Variants in PLCXD2 observed in about 807,000 individuals in gnomAD.
PLCXD2 encodes PI-PLC X domain-containing protein 2.
PLCXD2 carries 21 observed loss-of-function variants against 28.6 expected under a neutral mutation model. That is an observed-to-expected ratio of 0.73 (90% confidence interval 0.52 to 1.06). The LOEUF (loss-of-function observed/expected upper bound fraction) is 1.06, where lower values mean the gene tolerates loss of function less well. Among genes scored for constraint, PLCXD2 ranks in the 50% least tolerant of loss-of-function variants. The pLI is 0.00. For missense variants in PLCXD2, 369 were observed against 376.7 expected, an observed-to-expected ratio of 0.98 and a Z score of 0.17; for synonymous variants, 140 against 150.1, an observed-to-expected ratio of 0.93 and a Z score of 0.49.
chr3:111,716,131 C>A (rs574357681), intron 3 of PLCXD2, among the ~76,000 whole-genome samples: 1 of 152,172 alleles, frequency 6.6e-6, no homozygotes, highest in African/African-American at 2.4e-5. Context: ...GCCCCCCTGC[C>A]GGCCATAAGA....
chr3:111,716,506 G>A (rs1941269603), intron 3 of PLCXD2, among the ~76,000 whole-genome samples: 1 of 152,198 alleles, frequency 6.6e-6, no homozygotes, highest in Non-Finnish European at 1.5e-5. Context: ...ATAGCCATTT[G>A]ACTCAATTTC....
At chr3:111,686,960 G>C (rs1303008502) in intron 1 of PLCXD2, among the ~76,000 whole-genome samples, 1 of 152,168 alleles carries the variant, frequency 6.6e-6, no homozygotes, top group Admixed American at 6.5e-5. Context: ...GGTGCAAGGG[G>C]TGAAAAGGAG....
At chr3:111,712,140 C>T (rs1236284013) in intron 2 of PLCXD2, among the ~76,000 whole-genome samples, 1 of 152,146 alleles carries the variant, frequency 6.6e-6, no homozygotes, top group African/African-American at 2.4e-5. Context: ...AGGCCGGCCT[C>T]CCCCTGTAAA....
At chr3:111,702,292 A>G (rs954625098) in intron 1 of PLCXD2, among the ~76,000 whole-genome samples, 1 of 152,184 alleles carries the variant, frequency 6.6e-6, no homozygotes, top group African/African-American at 2.4e-5. Context: ...GCAAACCCAC[A>G]TAGAAACCAA....
At position 111,691,310 on chromosome 3, in the gene PLCXD2, TAAGA is replaced by T. The variant is rs1401634618; in HGVS notation, c.163+15903_163+15906del. 4.6e-5 allele frequency: 7 copies of T among 152,350 alleles called. 1 individual carries two copies. Among genetic ancestry groups the T allele is most frequent in the African/African-American group, 1.7e-4 (7 of 41,576 alleles). 9.4% of individuals were successfully genotyped at this position (152,350 alleles called of 1,614,324 possible). On this transcript the variant is annotated intron_variant, in intron 1 of 4. Coordinates refer to ENST00000477665, the MANE Select transcript of PLCXD2 (RefSeq NM_001185106.1). The stretch of plus-strand genomic sequence containing the variant: ...TTAATAAGTGGAATTATCCAATTCT[TAAGA>T]TAGAAGAGACCCTAAGTCGCATTTC...
chr3:111,709,938 G>A (rs923795233), intron 2 of PLCXD2, among the ~76,000 whole-genome samples: 2 of 152,170 alleles, frequency 1.3e-5, no homozygotes, highest in East Asian at 3.9e-4. Flanking sequence ...AGAGACCAGG[G>A]CAGGGGGATT....
chr3:111,724,090 C>T (rs1282306829), intron 3 of PLCXD2: 1 of 152,062 alleles, frequency 6.6e-6, no homozygotes, highest in African/African-American at 2.4e-5. Context: ...CAGGCTTGAA[C>T]TTTGAGCCTT....
rs1028985211 is a variant in PLCXD2 at position 111,674,857 on chromosome 3, G to A, written c.-389G>A. 5.8e-6 allele frequency: 1 copy of A among 173,522 alleles called. No homozygotes were observed. Among genetic ancestry groups the A allele is most frequent in the Non-Finnish European group, 1.2e-5 (1 of 82,736 alleles). The allele number at this position is 173,522 out of a possible 1,614,324, so 10.7% of individuals were successfully genotyped here. A position where few individuals can be genotyped will look rare whatever the true frequency, so the allele number is the denominator to read the frequency against. ...AGCCGGCGCGCCCGGGCGCGCACCT[G>A]TGTATGGACCCGCAGGCATGTCTGT... On this transcript the variant is annotated 5_prime_UTR_variant, in exon 1 of 5. The change creates a new upstream start codon in the 5' untranslated region. Coordinates refer to ENST00000477665, the MANE Select transcript of PLCXD2 (RefSeq NM_001185106.1).
intron 3 of PLCXD2, chr3:111,723,967 A>T (rs973039242): frequency 1.3e-5 from 2 of 152,192 alleles, no homozygotes; most frequent in African/African-American, 2.4e-5. Flanking sequence ...TTATTCTGAA[A>T]TACAACTGAG....
chr3:111,706,242 GT>G (rs1231490114), intron 1 of PLCXD2, among the ~76,000 whole-genome samples: 1 of 152,148 alleles, frequency 6.6e-6, no homozygotes, highest in Non-Finnish European at 1.5e-5. Flanking sequence ...CTATTGAGTT[GT>G]TTGAATTCCT....
At chr3:111,699,605 A>G (rs934680650) in intron 1 of PLCXD2, among the ~76,000 whole-genome samples, 1 of 152,116 alleles carries the variant, frequency 6.6e-6, no homozygotes, top group African/African-American at 2.4e-5. Flanking sequence ...ATCTAACACT[A>G]CCTAGGAGGC....
At chr3:111,686,342 G>A (rs1485397473) in intron 1 of PLCXD2, among the ~76,000 whole-genome samples, 1 of 152,166 alleles carries the variant, frequency 6.6e-6, no homozygotes, top group East Asian at 1.9e-4. Context: ...AACATCCTCT[G>A]CTTCCAAGTA....
chr3:111,720,650 T>A (rs1337130140), intron 3 of PLCXD2, 73 bp from the exon 4 acceptor site: 1 of 416,030 alleles, frequency 2.4e-6, no homozygotes, highest in Non-Finnish European at 4.4e-6. Context: ...AAATGTTTTA[T>A]GTCCATGTCT....
chr3:111,710,417 A>G (rs561756233), intron 2 of PLCXD2, among the ~76,000 whole-genome samples: 2 of 152,330 alleles, frequency 1.3e-5, no homozygotes, highest in South Asian at 4.1e-4. Context: ...GGATTAACTC[A>G]TTTGATCCTC....
chr3:111,691,751 G>A (rs534077873), intron 1 of PLCXD2, among the ~76,000 whole-genome samples: 3 of 152,176 alleles, frequency 2.0e-5, no homozygotes, highest in South Asian at 2.1e-4. Context: ...TCTATGTCCC[G>A]GGCAGCCACA....
At chr3:111,677,734 G>A in intron 1 of PLCXD2, among the ~76,000 whole-genome samples, 1 of 152,208 alleles carries the variant, frequency 6.6e-6, no homozygotes, top group Non-Finnish European at 1.5e-5. Context: ...GAATGGCAGA[G>A]CAGTGGGTGT....
At chr3:111,685,688 G>C (rs968470605) in intron 1 of PLCXD2, among the ~76,000 whole-genome samples, 2 of 152,184 alleles carry the variant, frequency 1.3e-5, no homozygotes, top group Non-Finnish European at 2.9e-5. Flanking sequence ...AGGCTTATTA[G>C]GGAATGACCA....
intron 1 of PLCXD2, among the ~76,000 whole-genome samples, chr3:111,704,962 A>T (rs1941096842): frequency 6.6e-6 from 1 of 151,922 alleles, no homozygotes; most frequent in African/African-American, 2.4e-5. Context: ...ACAGGCATGC[A>T]CCACCACACC....
intron 1 of PLCXD2, among the ~76,000 whole-genome samples, chr3:111,678,501 A>G (rs1940658891): frequency 6.6e-6 from 1 of 152,142 alleles, no homozygotes; most frequent in African/African-American, 2.4e-5. Flanking sequence ...TTTTCAATGA[A>G]TTTTTTCTCT....
Sources: gnomAD v4.1 joint callset for allele counts (sites outside exome capture counted in the v4.1 genomes callset) on GRCh38, gnomAD v4.1.1 for gene constraint, MANE v1.5 for transcripts, NCBI Gene and HGNC (gene_info 2026-07-23, HGNC 2026-07-21) for gene names.